GRM3: variants seen among roughly 807,000 people sequenced by gnomAD.
GRM3 encodes the protein metabotropic glutamate receptor 3.
A neutral mutation model predicts 70.5 loss-of-function variants in GRM3; 26 were observed. That is an observed-to-expected ratio of 0.37 (90% CI 0.27 to 0.51). The LOEUF (loss-of-function observed/expected upper bound fraction) is 0.51, where lower values mean the gene tolerates loss of function less well. GRM3 is among the 20% of genes least tolerant of loss of function. GRM3 has a pLI of 0.93. For missense variants in GRM3, 859 were observed against 1,123.8 expected (o/e 0.76, Z 3.37); for synonymous variants, 443 against 434.9 (o/e 1.02, Z -0.23).
chr7:86,669,041 T>A lies in GRM3; in HGVS notation c.-141+24169T>A, dbSNP rs778638124. 5.3e-4 allele frequency among the ~76,000 whole-genome samples: 80 copies of A among 152,160 alleles called. 1 individual carries two copies. Among genetic ancestry groups the A allele is most frequent in the Admixed American group, 3.7e-3 (56 of 15,256 alleles). On this transcript the variant is annotated intron_variant, in intron 1 of 5. Transcript: ENST00000361669. ...TCCCAAGATAGTAAGTATTTCTCCA[T>A]GGAGTCATCTAAGACTCAAGACTTT...
intron 2 of GRM3, among the ~76,000 whole-genome samples, chr7:86,778,340 A>C (rs1428266629): frequency 3.3e-5 from 5 of 152,194 alleles, no homozygotes; most frequent in Admixed American, 2.6e-4. Context: ...TCAGAAGCCA[A>C]TAACTGTAAA....
chr7:86,707,713 A>T (rs1257145959), intron 1 of GRM3, among the ~76,000 whole-genome samples: 1 of 152,116 alleles, frequency 6.6e-6, no homozygotes, highest in Non-Finnish European at 1.5e-5. Flanking sequence ...TATTTAGATC[A>T]TGGTAAGCAG....
intron 3 of GRM3, among the ~76,000 whole-genome samples, chr7:86,792,986 C>T (rs980739747): frequency 1.6e-5 from 2 of 128,330 alleles, no homozygotes; most frequent in Non-Finnish European, 1.7e-5. Context: ...TATTTGTTTG[C>T]TTGGTTGGCT....
At chr7:86,703,105 GT>G (rs887964125) in intron 1 of GRM3, among the ~76,000 whole-genome samples, 10 of 151,478 alleles carry the variant, frequency 6.6e-5, no homozygotes, top group African/African-American at 1.9e-4. Flanking sequence ...ATATGTTGGG[GT>G]TTTTTTTCCA....
rs118151746 is a variant in GRM3 at position 86,733,650 on chromosome 7, G to A, written c.-140-31356G>A. 8.1e-3 allele frequency among the ~76,000 whole-genome samples: 1,237 copies of A among 152,278 alleles called. 3 individuals are homozygous for A. The highest frequency in any genetic ancestry group is 0.013 in the Non-Finnish European group (901 of 68,014). On this transcript the variant is annotated intron_variant, in intron 1 of 5. Transcript: ENST00000361669. ...TTTGATGAAGCAAAGATGCAGCAGCGAAATAGGGAGTGTCAGGTTCTAACA... is the reference window on the plus strand; with the variant it reads ...TTTGATGAAGCAAAGATGCAGCAGCAAAATAGGGAGTGTCAGGTTCTAACA...
chr7:86,804,415 T>G (rs1380866727), intron 3 of GRM3, among the ~76,000 whole-genome samples: 5 of 152,184 alleles, frequency 3.3e-5, no homozygotes, highest in African/African-American at 2.4e-5. Flanking sequence ...GGTATTTTTA[T>G]TTTTATTTCT....
intron 1 of GRM3, among the ~76,000 whole-genome samples, chr7:86,693,808 G>A (rs916165652): frequency 1.3e-5 from 2 of 152,160 alleles, no homozygotes; most frequent in African/African-American, 4.8e-5. Flanking sequence ...AGAATACTGT[G>A]TTAGATCTGG....
At chr7:86,835,074 G>T (rs1376131164) in intron 3 of GRM3, among the ~76,000 whole-genome samples, 3 of 151,934 alleles carry the variant, frequency 2.0e-5, no homozygotes, top group African/African-American at 7.3e-5. Flanking sequence ...TAATACTGTG[G>T]TAGTTATAAA....
At chr7:86,753,247 A>G (rs992807745) in intron 1 of GRM3, among the ~76,000 whole-genome samples, 4 of 152,122 alleles carry the variant, frequency 2.6e-5, no homozygotes, top group African/African-American at 7.2e-5. Flanking sequence ...ATAATAGCTA[A>G]CAGTTATTGA....
chr7:86,649,379 T>G (rs1259160966), intron 1 of GRM3, among the ~76,000 whole-genome samples: 1 of 152,156 alleles, frequency 6.6e-6, no homozygotes, highest in Non-Finnish European at 1.5e-5. Context: ...AACAATCTTT[T>G]TATTGAACTG....
At chr7:86,863,285 C>G (rs1015325112) in intron 5 of GRM3, among the ~76,000 whole-genome samples, 1 of 152,076 alleles carries the variant, frequency 6.6e-6, no homozygotes, top group Non-Finnish European at 1.5e-5. Flanking sequence ...AGAACTGTAT[C>G]TAGGAAAACT....
intron 3 of GRM3, among the ~76,000 whole-genome samples, chr7:86,798,320 C>A (rs998240713): frequency 6.6e-6 from 1 of 152,072 alleles, no homozygotes; most frequent in Non-Finnish European, 1.5e-5. Flanking sequence ...GGGAGCTGTA[C>A]CCTACAAAGC....
intron 1 of GRM3, among the ~76,000 whole-genome samples, chr7:86,744,968 A>C (rs543951313): frequency 6.6e-6 from 1 of 151,966 alleles, no homozygotes; most frequent in African/African-American, 2.4e-5. Context: ...GCTGTAGTCA[A>C]ATCTAGGTAC....
chr7:86,828,694 G>A (rs1459600528), intron 3 of GRM3, among the ~76,000 whole-genome samples: 1 of 152,180 alleles, frequency 6.6e-6, no homozygotes, highest in African/African-American at 2.4e-5. Context: ...GTTGATGGCT[G>A]CTGACTGATT....
Position 86,817,689 on chromosome 7 carries a change from C to T in GRM3, c.1325-21150C>T, listed in dbSNP as rs565877348. ...GCTGTCATCTGGTTGGGTTTTGGAA[C>T]TCATTTATCCTTGCAGTAATATTAA... On this transcript the variant is annotated intron_variant, in intron 3 of 5. Transcript: ENST00000361669. Among the ~76,000 whole-genome samples, 9 of 152,054 alleles carry T rather than the reference C, an allele frequency of 5.9e-5. No homozygotes were observed. In the South Asian group the frequency reaches 1.9e-3, roughly 32 times the overall value.
Position 86,652,092 on chromosome 7 carries a change from C to G in GRM3, c.-141+7220C>G, listed in dbSNP as rs79743196. ...ACGTACTTCACGACCTTGTCTAAGA[C>G]AAGCCCTTCCTTGGCTATGGTTTCC... On this transcript the variant is annotated intron_variant, in intron 1 of 5. Transcript: ENST00000361669. Among the ~76,000 whole-genome samples the G allele has an allele frequency of 3.3e-5, 5 of 152,164 alleles. No homozygotes were observed. In the East Asian group the frequency reaches 9.6e-4, roughly 29 times the overall value.
chr7:86,836,844 A>C (rs910673275), intron 3 of GRM3, among the ~76,000 whole-genome samples: 6 of 152,232 alleles, frequency 3.9e-5, no homozygotes, highest in African/African-American at 1.4e-4. Context: ...TAGGAAACAG[A>C]GTCAGAAAGG....
intron 3 of GRM3, among the ~76,000 whole-genome samples, chr7:86,801,064 C>CTTTTTTT (rs67046105): frequency 1.3e-3 from 112 of 86,804 alleles, no homozygotes; most frequent in Non-Finnish European, 1.6e-3. Context: ...CAAACTTCTT[C>CTTTTTTT]TTTTTTTTTT....
chr7:86,662,703 C>G (rs1793924010), intron 1 of GRM3, among the ~76,000 whole-genome samples: 1 of 151,876 alleles, frequency 6.6e-6, no homozygotes, highest in Non-Finnish European at 1.5e-5. Context: ...CTCCTTAATA[C>G]TTAACTTTTA....
Sources: allele counts gnomAD v4.1 joint callset (sites outside exome capture counted in the v4.1 genomes callset), GRCh38; gene constraint gnomAD v4.1.1; transcripts MANE v1.5; gene names NCBI Gene and HGNC (gene_info 2026-07-23, HGNC 2026-07-21).